The following AMBRA1 variants were observed in gnomAD, a reference collection of about 807,000 sequenced individuals.
AMBRA1 encodes the protein activating molecule in BECN1-regulated autophagy protein 1.
In AMBRA1, 47 loss-of-function variants were observed where a neutral mutation model predicts 125.4. That is an observed-to-expected ratio of 0.37 (90% CI 0.30 to 0.48). The LOEUF (loss-of-function observed/expected upper bound fraction) is 0.48. Among genes scored for constraint, AMBRA1 ranks in the 20% least tolerant of loss-of-function variants. AMBRA1 has a pLI of 0.99. For synonymous variants in AMBRA1, 626 were observed against 655.5 expected, an observed-to-expected ratio of 0.95 and a Z score of 0.69; for missense variants, 1,331 against 1,693.4, an observed-to-expected ratio of 0.79 and a Z score of 3.76.
At chr11:46,547,677 C>T in intron 3 of AMBRA1, 140 bp downstream of exon 3, 1 of 783,558 alleles carries the variant, frequency 1.3e-6, no homozygotes, top group Non-Finnish European at 2.0e-6. Flanking sequence ...ACTTTCTTTC[C>T]CTTTCCGACA....
intron 17 of AMBRA1, among the ~76,000 whole-genome samples, chr11:46,400,959 T>C (rs1362351418): frequency 6.6e-6 from 1 of 151,942 alleles, no homozygotes; most frequent in African/African-American, 2.4e-5. Flanking sequence ...GCTCTCAGAG[T>C]ACTGGGTCAA....
chr11:46,465,139 C>A (rs1310891162), intron 11 of AMBRA1, among the ~76,000 whole-genome samples: 1 of 152,228 alleles, frequency 6.6e-6, no homozygotes, highest in East Asian at 1.9e-4. Flanking sequence ...CTAGTGCCCA[C>A]ACCTACAGCC....
intron 11 of AMBRA1, among the ~76,000 whole-genome samples, chr11:46,448,116 C>T (rs1182715643): frequency 2.0e-5 from 3 of 152,192 alleles, no homozygotes; most frequent in Non-Finnish European, 4.4e-5. Flanking sequence ...AGTGTTTAAT[C>T]TGAAGATTAA....
chr11:46,472,906 C>T (rs941019083), intron 11 of AMBRA1, among the ~76,000 whole-genome samples: 1 of 152,156 alleles, frequency 6.6e-6, no homozygotes, highest in African/African-American at 2.4e-5. Flanking sequence ...GGTACCAGTC[C>T]CTTACCTCTT....
intron 9 of AMBRA1, among the ~76,000 whole-genome samples, chr11:46,496,170 T>C (rs1266266600): frequency 1.3e-5 from 2 of 151,728 alleles, no homozygotes; most frequent in African/African-American, 2.4e-5. Context: ...GGTCAGGAGT[T>C]CGAGACCAGC....
intron 15 of AMBRA1, among the ~76,000 whole-genome samples, chr11:46,413,092 A>C (rs1254569917): frequency 6.6e-6 from 1 of 152,220 alleles, no homozygotes; most frequent in African/African-American, 2.4e-5. Context: ...CCTACCTCAG[A>C]AAAGAGGCCA....
chr11:46,561,141 G>A (rs1377089531), intron 1 of AMBRA1, among the ~76,000 whole-genome samples: 1 of 152,126 alleles, frequency 6.6e-6, no homozygotes, highest in African/African-American at 2.4e-5. Context: ...AGCACTTTAA[G>A]AGGCCAAGGC....
chr11:46,435,055 AG>A lies in AMBRA1; in HGVS notation c.2633-19del. 1 of 1,576,846 alleles carries A rather than the reference AG, an allele frequency of 6.3e-7. No individual in the cohort carries two copies. The highest frequency in any genetic ancestry group is 8.6e-7 in the Non-Finnish European group (1 of 1,162,270). On this transcript the variant is annotated intron_variant, in intron 12 of 17. Coordinates refer to ENST00000683756, the MANE Select transcript of AMBRA1 (RefSeq NM_001387011.1). ...CACGGAAGCTGCATCAGACAAAGAA[AG>A]AAAAGAGGATAAGAAACTTTGGAGT...
At chr11:46,399,305 C>G (rs570983858) in intron 17 of AMBRA1, among the ~76,000 whole-genome samples, 4 of 151,866 alleles carry the variant, frequency 2.6e-5, no homozygotes, top group African/African-American at 9.7e-5. Context: ...AACTCCTGAC[C>G]TCAGGTAATC....
At chr11:46,407,640 T>C (rs1360769850) in intron 17 of AMBRA1, among the ~76,000 whole-genome samples, 1 of 152,242 alleles carries the variant, frequency 6.6e-6, no homozygotes, top group Non-Finnish European at 1.5e-5. Context: ...TCTCAGTTCA[T>C]GGCATCGCAA....
intron 14 of AMBRA1, among the ~76,000 whole-genome samples, chr11:46,432,575 ATCTACATGCACAGC>A (rs1362376499): frequency 6.6e-6 from 1 of 152,192 alleles, no homozygotes; most frequent in Non-Finnish European, 1.5e-5. Flanking sequence ...TTCAACAGCC[ATCTACATGCACAGC>A]ACTAAATGAG....
intron 11 of AMBRA1, among the ~76,000 whole-genome samples, chr11:46,445,629 T>C (rs1948247385): frequency 6.6e-6 from 1 of 152,210 alleles, no homozygotes; most frequent in South Asian, 2.1e-4. Context: ...ACCACTTCCC[T>C]GGAAGGAATT....
At chr11:46,418,726 T>C (rs1946697040) in intron 14 of AMBRA1, among the ~76,000 whole-genome samples, 1 of 152,096 alleles carries the variant, frequency 6.6e-6, no homozygotes, top group Non-Finnish European at 1.5e-5. Flanking sequence ...ATTCTCTTAG[T>C]TTTGGGGAGA....
At position 46,547,277 on chromosome 11, in the gene AMBRA1, G is replaced by T; in HGVS notation, c.214C>A (p.His72Asn). The T allele has an allele frequency of 6.2e-7, 1 of 1,611,954 alleles. No homozygotes were observed. Among genetic ancestry groups the T allele is most frequent in the Non-Finnish European group, 8.5e-7 (1 of 1,179,358 alleles). Reference protein sequence around the residue: ...SPDRTLLASTHVNHNIYITEV... With the variant: ...SPDRTLLASTNVNHNIYITEV... ...GTAATATAGATATTATGGTTCACAT[G>T]GGTGGAGGCTAAGAGAGTCCTAGAA... The change falls in exon 4 of 18, where the codon CAT (histidine) becomes AAT (asparagine). Residue 72 changes from histidine (H) to asparagine (N), a missense_variant. His to Asn is a moderately conservative substitution (Grantham distance 68). Coordinates refer to ENST00000683756, the MANE Select transcript of AMBRA1 (RefSeq NM_001387011.1).
At chr11:46,497,088 G>A (rs1473443200) in intron 9 of AMBRA1, among the ~76,000 whole-genome samples, 1 of 151,814 alleles carries the variant, frequency 6.6e-6, no homozygotes, top group Non-Finnish European at 1.5e-5. Flanking sequence ...TCCAGCCTGG[G>A]TGACAGGGCA....
At chr11:46,418,134 C>A in intron 14 of AMBRA1, 82 bp from the exon 15 acceptor site, 1 of 1,365,664 alleles carries the variant, frequency 7.3e-7, no homozygotes, top group South Asian at 1.7e-5. Context: ...CAGGGAGAAA[C>A]AAATTAGAAG....
At chr11:46,510,345 A>G (rs1951208956) in intron 8 of AMBRA1, among the ~76,000 whole-genome samples, 1 of 152,240 alleles carries the variant, frequency 6.6e-6, no homozygotes, top group Non-Finnish European at 1.5e-5. Context: ...TTCAACCAAC[A>G]GAAGTCGATG....
intron 14 of AMBRA1, among the ~76,000 whole-genome samples, chr11:46,432,193 CA>C: frequency 1.3e-5 from 2 of 152,240 alleles, no homozygotes; most frequent in South Asian, 4.1e-4. Flanking sequence ...GACATGGAAA[CA>C]AATAACTGCA....
rs1937592339 is a variant in AMBRA1 at position 46,541,981 on chromosome 11, A to G, written c.2036T>C (p.Met679Thr). ...TVSQEALHQD[M>T]PEESSEEDSL... is the part of the protein sequence containing the mutation. The stretch of plus-strand genomic sequence containing the variant: ...ATCCTCCTCAGAGCTCTCCTCAGGC[A>G]TATCCTGATGTAAGGCCTCCTGTGA... The change falls in exon 7 of 18, where the codon ATG (methionine) becomes ACG (threonine). Residue 679 changes from methionine to threonine, a missense_variant. Met to Thr is a moderately conservative substitution (Grantham distance 81, BLOSUM62 -1). This residue lies in a region of AMBRA1 where 689 missense variants were observed against 776.5 expected (regional missense o/e 0.89). Coordinates refer to ENST00000683756, the MANE Select transcript of AMBRA1 (RefSeq NM_001387011.1). 1.1e-5 allele frequency: 17 copies of G among 1,613,886 alleles called. No homozygotes were observed. The highest frequency in any genetic ancestry group is 1.4e-5 in the Non-Finnish European group (17 of 1,179,924).
Sources: allele counts gnomAD v4.1 joint callset (sites outside exome capture counted in the v4.1 genomes callset), GRCh38; gene constraint gnomAD v4.1.1; regional missense constraint gnomAD v4.1.1; transcripts MANE v1.5; gene names NCBI Gene and HGNC (gene_info 2026-07-23, HGNC 2026-07-21).